Variants in CSMD2 observed in about 807,000 individuals in gnomAD.
The protein encoded by CSMD2 is CUB and sushi domain-containing protein 2.
Under a neutral mutation model 398.5 loss-of-function variants are expected in CSMD2, and 130 were observed. The observed-to-expected ratio is 0.33, with a 90% CI of 0.28 to 0.38. The LOEUF is 0.38. Among genes scored for constraint, CSMD2 ranks in the 10% least tolerant of loss-of-function variants. The pLI, the probability that CSMD2 is intolerant of heterozygous loss-of-function variation, is 1.00. For synonymous variants in CSMD2, 1,828 were observed against 1,908.5 expected (o/e 0.96, Z 1.10); for missense variants, 3,829 against 4,764.9 (o/e 0.80, Z 5.78).
intron 3 of CSMD2, among the ~76,000 whole-genome samples, chr1:34,000,491 A>G (rs1570767875): frequency 6.6e-6 from 1 of 152,316 alleles, no homozygotes; most frequent in East Asian, 1.9e-4. Flanking sequence ...CAAATGGACC[A>G]CAAAACCATA....
In CSMD2 at chr1:34,120,792, A is replaced by G. The variant is rs181344943; in HGVS notation, c.188-31599T>C. Among the ~76,000 whole-genome samples, 1,172 of 152,114 alleles carry G rather than the reference A, an allele frequency of 7.7e-3. 23 individuals are homozygous for G. The highest frequency in any genetic ancestry group is 0.027 in the African/African-American group (1,113 of 41,494). Reference sequence around the variant, plus strand: ...ACTCCTGATCTCAGGCGATCTGCCCACCTCAGCCTCCCAAAGTGCTGGGAT... The same window carrying G: ...ACTCCTGATCTCAGGCGATCTGCCCGCCTCAGCCTCCCAAAGTGCTGGGAT... On this transcript the variant is annotated intron_variant, in intron 1 of 70. Transcript: ENST00000373381.
chr1:34,142,178 C>T (rs1028835255), intron 1 of CSMD2, among the ~76,000 whole-genome samples: 19 of 152,152 alleles, frequency 1.2e-4, no homozygotes, highest in African/African-American at 4.1e-4. Flanking sequence ...CTTTTGCTGC[C>T]ACGGCCTTTG....
At chr1:33,780,003 T>C (rs774367339) in intron 12 of CSMD2, among the ~76,000 whole-genome samples, 4 of 152,030 alleles carry the variant, frequency 2.6e-5, no homozygotes, top group Non-Finnish European at 5.9e-5. Flanking sequence ...AAGCTCAGTG[T>C]AGTGGGAAGC....
At chr1:33,931,204 G>A (rs1057028995) in intron 4 of CSMD2, among the ~76,000 whole-genome samples, 4 of 151,726 alleles carry the variant, frequency 2.6e-5, no homozygotes, top group East Asian at 1.9e-4. Flanking sequence ...TTACCCACTC[G>A]CAGATGCCAG....
At chr1:33,777,894 G>A in intron 12 of CSMD2, among the ~76,000 whole-genome samples, 1 of 152,144 alleles carries the variant, frequency 6.6e-6, no homozygotes, top group African/African-American at 2.4e-5. Flanking sequence ...CTGTACAGAA[G>A]GGACTGTATC....
Position 33,644,523 on chromosome 1 carries a change from G to A in CSMD2, c.4774+2125C>T, listed in dbSNP as rs147735426. Among the ~76,000 whole-genome samples, 415 of 152,294 alleles carry A rather than the reference G, an allele frequency of 2.7e-3. 1 individual carries two copies. The highest frequency in any genetic ancestry group is 9.3e-3 in the African/African-American group (385 of 41,556). On this transcript the variant is annotated intron_variant, in intron 29 of 70. Coordinates refer to ENST00000373381, the MANE Select transcript of CSMD2 (RefSeq NM_001281956.2). ...TTGGCTGGGGGAAAGGACATCACTC[G>A]TAGTGACTCTAAGTATCACGTTTGT...
At chr1:33,571,450 C>A (rs927665992) in intron 51 of CSMD2, 82 bp downstream of exon 51, 36 of 1,120,688 alleles carry the variant, frequency 3.2e-5, no homozygotes, top group Non-Finnish European at 4.1e-5. Flanking sequence ...CTTTTTCCCC[C>A]ACCCCAGTTC....
chr1:33,851,062 G>A (rs1227351284), intron 5 of CSMD2, among the ~76,000 whole-genome samples: 1 of 152,142 alleles, frequency 6.6e-6, no homozygotes, highest in East Asian at 1.9e-4. Flanking sequence ...GTAAGTCGAG[G>A]GGGAGGAGTG....
intron 1 of CSMD2, among the ~76,000 whole-genome samples, chr1:34,109,691 AT>A (rs757080334): frequency 5.9e-5 from 9 of 152,150 alleles, no homozygotes; most frequent in Non-Finnish European, 1.0e-4. Flanking sequence ...CAAGAAAAAA[AT>A]AAACAACTCC....
chr1:33,967,093 C>T (rs578090455), intron 3 of CSMD2, among the ~76,000 whole-genome samples: 2 of 151,988 alleles, frequency 1.3e-5, no homozygotes, highest in South Asian at 2.1e-4. Flanking sequence ...AAACTCCATG[C>T]GAATGTGTTG....
At chr1:34,092,813 C>T (rs1658781153) in intron 1 of CSMD2, among the ~76,000 whole-genome samples, 1 of 152,230 alleles carries the variant, frequency 6.6e-6, no homozygotes, top group African/African-American at 2.4e-5. Context: ...AACTGCAAGG[C>T]AGCAGCGAGG....
intron 6 of CSMD2, among the ~76,000 whole-genome samples, chr1:33,836,800 C>T (rs1338224041): frequency 6.6e-6 from 1 of 152,220 alleles, no homozygotes; most frequent in Non-Finnish European, 1.5e-5. Flanking sequence ...TCCCCAACCC[C>T]TTGCACTTCC....
At chr1:33,967,545 T>TC (rs1010770146) in intron 3 of CSMD2, among the ~76,000 whole-genome samples, 6 of 152,148 alleles carry the variant, frequency 3.9e-5, no homozygotes, top group African/African-American at 1.4e-4. Flanking sequence ...CCCTCTGCAC[T>TC]CCCCACATCA....
intron 5 of CSMD2, among the ~76,000 whole-genome samples, chr1:33,914,680 C>T (rs970264079): frequency 2.2e-4 from 34 of 152,092 alleles, no homozygotes; most frequent in Admixed American, 6.6e-4. Context: ...AAGGCTGGAC[C>T]GGGACCAGCA....
chr1:33,622,265 G>T lies in CSMD2; in HGVS notation c.5729C>A (p.Thr1910Asn). The T allele has an allele frequency of 6.2e-7, 1 of 1,613,428 alleles. No individual in the cohort carries two copies. The highest frequency in any genetic ancestry group is 8.5e-7 in the Non-Finnish European group (1 of 1,179,412). Residue 1910 changes from threonine (T) to asparagine (N), a missense_variant, in exon 37 of 71, where the codon ACC becomes AAC. By Grantham distance (65) the Thr-to-Asn change is moderately conservative. Transcript: ENST00000373381. The stretch of plus-strand genomic sequence containing the variant: ...GGTGCTGTTCAGAAGGGCAGGCACG[G>T]TTGTTCCTAGGGCAAGGACACCAGG... Reference protein sequence around the residue: ...VTMLGSFSGTTVPALLNSTSN... With the variant: ...VTMLGSFSGTNVPALLNSTSN...
intron 5 of CSMD2, among the ~76,000 whole-genome samples, chr1:33,913,161 G>C (rs1643548855): frequency 6.6e-6 from 1 of 152,178 alleles, no homozygotes; most frequent in South Asian, 2.1e-4. Context: ...GCTAGATCCA[G>C]GAACAGAAGT....
intron 13 of CSMD2, among the ~76,000 whole-genome samples, chr1:33,745,334 G>C (rs901010595): frequency 6.6e-6 from 1 of 152,032 alleles, no homozygotes; most frequent in Non-Finnish European, 1.5e-5. Context: ...AAATGCTGTA[G>C]GTTCATTCTA....
intron 5 of CSMD2, among the ~76,000 whole-genome samples, chr1:33,893,336 A>T (rs1642172744): frequency 6.6e-6 from 1 of 152,242 alleles, no homozygotes; most frequent in Non-Finnish European, 1.5e-5. Flanking sequence ...CACTTGCCTA[A>T]GATTGCCCAG....
intron 2 of CSMD2, among the ~76,000 whole-genome samples, chr1:34,047,278 C>G (rs535923846): frequency 6.6e-6 from 1 of 152,306 alleles, no homozygotes; most frequent in African/African-American, 2.4e-5. Context: ...AGGGCCTTTG[C>G]ACCTGCTCTT....
Sources: allele counts gnomAD v4.1 joint callset (sites outside exome capture counted in the v4.1 genomes callset), GRCh38; gene constraint gnomAD v4.1.1; transcripts MANE v1.5; gene names NCBI Gene and HGNC (gene_info 2026-07-23, HGNC 2026-07-21).